The following PRPF40B variants were observed in gnomAD, a reference collection of about 807,000 sequenced individuals.
PRPF40B encodes the protein pre-mRNA processing factor 40B.
A neutral mutation model predicts 124.5 loss-of-function variants in PRPF40B; 56 were observed. The observed-to-expected ratio is 0.45, with a 90% CI of 0.36 to 0.56. The LOEUF (loss-of-function observed/expected upper bound fraction) is 0.56, where lower values mean the gene tolerates loss of function less well. Ranked by LOEUF, PRPF40B falls within the 20% of genes least tolerant of loss-of-function variation. PRPF40B has a pLI of 0.00. For synonymous variants in PRPF40B, 443 were observed against 426.4 expected (o/e 1.04, Z -0.48); for missense variants, 1,053 against 1,169.5 (o/e 0.90, Z 1.45).
intron 1 of PRPF40B, among the ~76,000 whole-genome samples, chr12:49,624,382 C>T (rs1196839840): frequency 2.0e-5 from 3 of 151,734 alleles, no homozygotes; most frequent in Non-Finnish European, 4.4e-5. Flanking sequence ...CCCACGGGTG[C>T]GGGGGGATGG....
rs904106076 is a variant in PRPF40B at position 49,627,894 on chromosome 12, T to C, written c.4-2651T>C. Among the ~76,000 whole-genome samples, 5 of 152,044 alleles carry C rather than the reference T, an allele frequency of 3.3e-5. No homozygotes were observed. In the East Asian group the frequency reaches 9.6e-4, roughly 29 times the overall value. ...CTTGAGGAGGTAAAGTTAACAAGAC[T>C]TGGTGATTTATTGGCAAGGAAGAGG... On this transcript the variant is annotated intron_variant, in intron 1 of 25. Coordinates refer to ENST00000548825, the MANE Select transcript of PRPF40B (RefSeq NM_001031698.3).
upstream of PRPF40B, among the ~76,000 whole-genome samples, chr12:49,623,051 G>C (rs1362640227): frequency 1.4e-5 from 2 of 146,084 alleles, no homozygotes; most frequent in East Asian, 3.9e-4. Context: ...TCGGGGATTT[G>C]TCTTTTTTTT....
chr12:49,629,398 C>A (rs1314536619), intron 1 of PRPF40B, among the ~76,000 whole-genome samples: 1 of 152,186 alleles, frequency 6.6e-6, no homozygotes, highest in Admixed American at 6.5e-5. Context: ...TTCCAATCTT[C>A]TGTTTTTACA....
chr12:49,633,492 C>A lies in PRPF40B; in HGVS notation c.525C>A (p.Asn175Lys). 1.2e-6 allele frequency: 2 copies of A among 1,614,220 alleles called. No homozygotes were observed. Among genetic ancestry groups the A allele is most frequent in the South Asian group, 2.2e-5 (2 of 91,084 alleles). The stretch of plus-strand genomic sequence containing the variant: ...ACACAGGCAAACCTTATTACTATAA[C>A]AACCAGAGTAAAGAGTCCCGCTGGA... ...KSDTGKPYYY[N>K]NQSKESRWTR... The change falls in exon 8 of 26, where the codon AAC becomes AAA. Residue 175 changes from asparagine (N) to lysine (K), a missense_variant. Around this residue, in one of 2 missense-constraint regions of PRPF40B, gnomAD observed 895 missense variants for 1,052.2 expected, o/e 0.85. Transcript: ENST00000548825.
chr12:49,635,481 T>C lies in PRPF40B; in HGVS notation c.1275+8T>C, dbSNP rs369836062. The C allele has an allele frequency of 1.5e-5, 24 of 1,608,574 alleles. No individual in the cohort carries two copies. The African/African-American group carries it at 2.7e-4, about 18-fold the overall frequency. ...CTGGCCAAGAAGGAGAAGGTAATGG[T>C]CCCTGGGCAGAATCCTTCAGCCCAT... is the stretch of plus-strand genomic sequence containing the variant. On this transcript the variant is annotated splice_region_variant and intron_variant, in intron 14 of 25. Coordinates refer to ENST00000548825, the MANE Select transcript of PRPF40B (RefSeq NM_001031698.3). The surrounding 1 kb of genome is among the most constrained non-coding windows in gnomAD (Gnocchi z 4.1).
chr12:49,630,923 CTCTT>C (rs1941162085), intron 2 of PRPF40B, among the ~76,000 whole-genome samples: 1 of 152,164 alleles, frequency 6.6e-6, no homozygotes, highest in South Asian at 2.1e-4. Context: ...GACTATCTAT[CTCTT>C]TCACTACTCC....
chr12:49,637,672 C>A, intron 17 of PRPF40B, 61 bp from the exon 18 acceptor site: 1 of 1,524,284 alleles, frequency 6.6e-7, no homozygotes, highest in Non-Finnish European at 9.0e-7. Flanking sequence ...CTGTCCTCGG[C>A]CCAGCCCCCA....
At position 49,631,955 on chromosome 12, in the gene PRPF40B, C is replaced by G; in HGVS notation, c.294+30C>G. ...GCACTAGGGGCCAGCAGGTAGCAGG[C>G]TCTGCCCTGCAGTCCCGTGAGTCTG... On this transcript the variant is annotated intron_variant, in intron 4 of 25. Coordinates refer to ENST00000548825, the MANE Select transcript of PRPF40B (RefSeq NM_001031698.3). This position sits in a 1 kb window ranked among gnomAD's most constrained non-coding sequence, Gnocchi z 4.3. The G allele has an allele frequency of 6.2e-7, 1 of 1,603,214 alleles. No individual in the cohort carries two copies. Among genetic ancestry groups the G allele is most frequent in the Non-Finnish European group, 8.5e-7 (1 of 1,170,236 alleles).
intron 1 of PRPF40B, 137 bp downstream of exon 1, chr12:49,623,730 A>G: frequency 1.3e-6 from 1 of 752,182 alleles, no homozygotes; most frequent in African/African-American, 3.7e-5. Flanking sequence ...GCCAAGGGTG[A>G]GGGAAGAGAG....
chr12:49,643,494 T>C, intron 23 of PRPF40B, 97 bp downstream of exon 23: 2 of 1,461,454 alleles, frequency 1.4e-6, no homozygotes, highest in Non-Finnish European at 1.8e-6. Flanking sequence ...GTAGACTGGA[T>C]TGGGAGGGCT....
chr12:49,624,178 A>ACTAC (rs1165956005), intron 1 of PRPF40B: 1 of 985,058 alleles, frequency 1.0e-6, no homozygotes, highest in Non-Finnish European at 1.2e-6. Flanking sequence ...TGGGCAAGTC[A>ACTAC]CTACCTTTCT....
At chr12:49,629,119 C>T (rs1404154408) in intron 1 of PRPF40B, among the ~76,000 whole-genome samples, 1 of 152,182 alleles carries the variant, frequency 6.6e-6, no homozygotes, top group Non-Finnish European at 1.5e-5. Flanking sequence ...CATATGGCTG[C>T]GTATTCAAAA....
chr12:49,630,931 C>G (rs1357301560), intron 2 of PRPF40B, among the ~76,000 whole-genome samples: 1 of 152,312 alleles, frequency 6.6e-6, no homozygotes, highest in East Asian at 1.9e-4. Flanking sequence ...ATCTCTTTCA[C>G]TACTCCTTAC....
chr12:49,626,464 G>C lies in PRPF40B; in HGVS notation c.3+2871G>C, dbSNP rs1005753898. Among the ~76,000 whole-genome samples, 6 of 152,214 alleles carry C rather than the reference G, an allele frequency of 3.9e-5. No individual in the cohort carries two copies. In the East Asian group the frequency reaches 1.2e-3, roughly 29 times the overall value. ...TTATCCTGAAGGGACACAGGTAGGA[G>C]TGTGTGTATGTGTGTGGGATAGTCA... On this transcript the variant is annotated intron_variant, in intron 1 of 25. Coordinates refer to ENST00000548825, the MANE Select transcript of PRPF40B (RefSeq NM_001031698.3).
Position 49,635,821 on chromosome 12 carries a change from C to T in PRPF40B, c.1276-22C>T, listed in dbSNP as rs778195085. On this transcript the variant is annotated intron_variant, in intron 14 of 25. Transcript: ENST00000548825. This position sits in a 1 kb window ranked among gnomAD's most constrained non-coding sequence, Gnocchi z 4.1. ...GGTAGCTCTGGCCTGCCCTGCCTCACCCTGATCCTGTGGCTCCCTAGGAAC... is the reference window on the plus strand; with the variant it reads ...GGTAGCTCTGGCCTGCCCTGCCTCATCCTGATCCTGTGGCTCCCTAGGAAC... 3 of 1,612,988 alleles carry T rather than the reference C, an allele frequency of 1.9e-6. No individual in the cohort carries two copies. In the South Asian group the frequency reaches 3.3e-5, roughly 18 times the overall value.
intron 10 of PRPF40B, 88 bp from the exon 11 acceptor site, chr12:49,634,244 G>A: frequency 1.2e-6 from 2 of 1,603,676 alleles, no homozygotes; most frequent in Non-Finnish European, 1.7e-6. Flanking sequence ...TGGGGAACAA[G>A]GAGGGGGTGA....
Position 49,644,109 on chromosome 12 carries a change from G to T in PRPF40B, c.2596G>T (p.Asp866Tyr). The change falls in exon 26 of 26, where the codon GAC (aspartate) becomes TAC (tyrosine). Residue 866 changes from aspartate (D) to tyrosine (Y), a missense_variant. Around this residue, in one of 2 missense-constraint regions of PRPF40B, gnomAD observed 895 missense variants for 1,052.2 expected, o/e 0.85. Coordinates refer to ENST00000548825, the MANE Select transcript of PRPF40B (RefSeq NM_001031698.3). The part of the protein sequence containing the change: ...FGIKKEKTGW[D>Y]TSESELSEGE... ...GCCTTTGCTCCAACAGACAGGCTGG[G>T]ACACGTCAGAAAGTGAGCTGAGTGA... 6.2e-7 allele frequency: 1 copy of T among 1,614,192 alleles called. No homozygotes were observed. The highest frequency in any genetic ancestry group is 8.5e-7 in the Non-Finnish European group (1 of 1,180,044).
intron 1 of PRPF40B, 195 bp downstream of exon 1, chr12:49,623,788 A>G (rs1940429767): frequency 1.1e-6 from 1 of 946,288 alleles, no homozygotes; most frequent in Non-Finnish European, 1.2e-6. Flanking sequence ...GGGGCGGGGG[A>G]GGCCATGATG....
chr12:49,635,312 G>A lies in PRPF40B; in HGVS notation c.1166+49G>A. 6.2e-7 allele frequency: 1 copy of A among 1,608,752 alleles called. No individual in the cohort carries two copies. Among genetic ancestry groups the A allele is most frequent in the South Asian group, 1.1e-5 (1 of 90,392 alleles). On this transcript the variant is annotated intron_variant, in intron 13 of 25. Coordinates refer to ENST00000548825, the MANE Select transcript of PRPF40B (RefSeq NM_001031698.3). The surrounding 1 kb of genome is among the most constrained non-coding windows in gnomAD (Gnocchi z 4.1). Reference sequence around the variant, plus strand: ...GACTTGGGAACCCTGAGAACACAAAGGTCCAGGGTCTCTGTTCTCTGTCTA... The same window carrying A: ...GACTTGGGAACCCTGAGAACACAAAAGTCCAGGGTCTCTGTTCTCTGTCTA...
Sources: allele counts gnomAD v4.1 joint callset (sites outside exome capture counted in the v4.1 genomes callset), GRCh38; gene constraint gnomAD v4.1.1; regional missense constraint gnomAD v4.1.1; non-coding constraint Gnocchi (gnomAD v3.1); transcripts MANE v1.5; gene names NCBI Gene and HGNC (gene_info 2026-07-23, HGNC 2026-07-21).